Variants in SOX6 observed in about 807,000 individuals in gnomAD.
The protein encoded by SOX6 is transcription factor SOX-6.
SOX6 carries 11 observed loss-of-function variants against 97.8 expected under a neutral mutation model. That is an observed-to-expected ratio of 0.11 (90% CI 0.07 to 0.19). SOX6 has a LOEUF of 0.19. Among genes scored for constraint, SOX6 ranks in the 10% least tolerant of loss-of-function variants. The pLI is 1.00. For missense variants in SOX6, 810 were observed against 1,039.5 expected, an observed-to-expected ratio of 0.78 and a Z score of 3.04; for synonymous variants, 360 against 371.4, an observed-to-expected ratio of 0.97 and a Z score of 0.35.
intron 4 of SOX6, among the ~76,000 whole-genome samples, chr11:16,540,667 T>G (rs1288534439): frequency 6.6e-6 from 1 of 152,184 alleles, no homozygotes; most frequent in African/African-American, 2.4e-5. Context: ...AGCACTCCTA[T>G]ACACCAATAA....
intron 1 of SOX6, among the ~76,000 whole-genome samples, chr11:16,420,584 A>G (rs1014671149): frequency 1.3e-5 from 2 of 152,186 alleles, no homozygotes; most frequent in Non-Finnish European, 2.9e-5. Flanking sequence ...AGAGAGAGAT[A>G]AAAAGTAGGA....
intron 4 of SOX6, among the ~76,000 whole-genome samples, chr11:16,562,685 T>C (rs1344727229): frequency 6.6e-6 from 1 of 152,038 alleles, no homozygotes; most frequent in Non-Finnish European, 1.5e-5. Context: ...AGCATCCCCA[T>C]ACCTGCACCT....
At chr11:16,716,770 C>T (rs1848222540) in intron 2 of SOX6, among the ~76,000 whole-genome samples, 2 of 151,322 alleles carry the variant, frequency 1.3e-5, no homozygotes, top group Admixed American at 1.3e-4. Context: ...AGTAATGATT[C>T]TCATAAATAT....
chr11:16,049,662 C>T, intron 11 of SOX6, 93 bp downstream of exon 11: 2 of 1,418,418 alleles, frequency 1.4e-6, no homozygotes, highest in South Asian at 1.2e-5. Flanking sequence ...TACTAAGGAG[C>T]ACTTTGGAAA....
At chr11:16,430,983 A>G (rs1031124917) in intron 1 of SOX6, among the ~76,000 whole-genome samples, 23 of 152,160 alleles carry the variant, frequency 1.5e-4, no homozygotes, top group African/African-American at 5.3e-4. Context: ...ATCACATCAC[A>G]CAGCTATTGT....
chr11:16,085,341 T>A (rs550441252), intron 9 of SOX6, among the ~76,000 whole-genome samples: 7 of 152,288 alleles, frequency 4.6e-5, no homozygotes, highest in African/African-American at 1.7e-4. Flanking sequence ...TTGCTTTTTT[T>A]AAAGCAGACC....
intron 1 of SOX6, among the ~76,000 whole-genome samples, chr11:16,445,680 T>C (rs1590206797): frequency 6.6e-6 from 1 of 152,232 alleles, no homozygotes; most frequent in Non-Finnish European, 1.5e-5. Flanking sequence ...TTGAGGAGGC[T>C]GGTTTTAGAA....
intron 1 of SOX6, among the ~76,000 whole-genome samples, chr11:16,475,369 G>A (rs1040214895): frequency 2.0e-5 from 3 of 152,218 alleles, no homozygotes; most frequent in East Asian, 1.9e-4. Flanking sequence ...GTTGTCATTC[G>A]TAGCTGTTGA....
chr11:16,418,500 T>C (rs1339208547), intron 1 of SOX6, among the ~76,000 whole-genome samples: 1 of 152,136 alleles, frequency 6.6e-6, no homozygotes, highest in Non-Finnish European at 1.5e-5. Flanking sequence ...ATATAACAAT[T>C]AGCCTTAAAA....
At chr11:16,575,985 G>A (rs553243399) in intron 4 of SOX6, among the ~76,000 whole-genome samples, 97 of 152,244 alleles carry the variant, frequency 6.4e-4, no homozygotes, top group African/African-American at 2.2e-3. Context: ...TACTGTGAAT[G>A]TAAGTGAAAT....
chr11:16,255,437 G>A (rs1019481910), intron 3 of SOX6, among the ~76,000 whole-genome samples: 1 of 151,916 alleles, frequency 6.6e-6, no homozygotes, highest in Non-Finnish European at 1.5e-5. Context: ...ACTAGAAATC[G>A]GTAACAGAAT....
At chr11:16,164,619 G>A (rs1202008383) in intron 6 of SOX6, among the ~76,000 whole-genome samples, 1 of 151,982 alleles carries the variant, frequency 6.6e-6, no homozygotes, top group African/African-American at 2.4e-5. Context: ...GTCAGGGGTT[G>A]AGACCAGCCT....
chr11:16,002,477 C>A (rs2119910711), intron 13 of SOX6, among the ~76,000 whole-genome samples: 1 of 152,196 alleles, frequency 6.6e-6, no homozygotes, highest in Non-Finnish European at 1.5e-5. Context: ...TACAGAATCC[C>A]AGGGCAGCTG....
At chr11:16,113,981 T>C (rs1395615609) in intron 6 of SOX6, among the ~76,000 whole-genome samples, 1 of 152,158 alleles carries the variant, frequency 6.6e-6, no homozygotes, top group Non-Finnish European at 1.5e-5. Flanking sequence ...AGAAGAACTT[T>C]CTAGTAATAA....
chr11:16,244,011 A>G (rs1853267065), intron 3 of SOX6, among the ~76,000 whole-genome samples: 1 of 151,964 alleles, frequency 6.6e-6, no homozygotes, highest in Non-Finnish European at 1.5e-5. Context: ...TTATGAATAT[A>G]TATCTATTTT....
intron 3 of SOX6, among the ~76,000 whole-genome samples, chr11:16,705,902 AAAG>A (rs1449102511): frequency 1.3e-5 from 2 of 152,342 alleles, no homozygotes; most frequent in Admixed American, 6.5e-5. Context: ...AATTAACATA[AAAG>A]AAGGTAGTAA....
intron 3 of SOX6, among the ~76,000 whole-genome samples, chr11:16,238,170 C>T (rs898750724): frequency 2.6e-5 from 4 of 151,820 alleles, no homozygotes; most frequent in Non-Finnish European, 5.9e-5. Context: ...TCAAAAATCG[C>T]GAGCTGGACT....
intron 12 of SOX6, among the ~76,000 whole-genome samples, chr11:16,026,459 G>A (rs546445652): frequency 2.0e-5 from 3 of 152,194 alleles, no homozygotes; most frequent in African/African-American, 7.2e-5. Flanking sequence ...AAAATCAGAG[G>A]GAACACATTT....
intron 3 of SOX6, among the ~76,000 whole-genome samples, chr11:16,683,419 G>A (rs1413016747): frequency 6.6e-6 from 1 of 152,176 alleles, no homozygotes; most frequent in Non-Finnish European, 1.5e-5. Context: ...AGAGGCCTCA[G>A]AAATAACACC....
Sources: gnomAD v4.1 joint callset for allele counts (sites outside exome capture counted in the v4.1 genomes callset) on GRCh38, gnomAD v4.1.1 for gene constraint, MANE v1.5 for transcripts, NCBI Gene and HGNC (gene_info 2026-07-23, HGNC 2026-07-21) for gene names.